KIF2A: variants seen among roughly 807,000 people sequenced by gnomAD.
KIF2A encodes the protein kinesin-like protein KIF2A.
KIF2A carries 22 observed loss-of-function variants against 100.2 expected under a neutral mutation model. That is an observed-to-expected ratio of 0.22 (90% CI 0.16 to 0.31). KIF2A has a LOEUF of 0.31. Ranked by LOEUF, KIF2A falls within the 10% of genes least tolerant of loss-of-function variation. KIF2A has a pLI of 1.00. For synonymous variants in KIF2A, 268 were observed against 285.9 expected, an observed-to-expected ratio of 0.94 and a Z score of 0.63; for missense variants, 495 against 898.7, an observed-to-expected ratio of 0.55 and a Z score of 5.74.
rs1222282475 is a variant in KIF2A at position 62,390,639 on chromosome 5, CA to C, written c.*5073del. Among the ~76,000 whole-genome samples the C allele has an allele frequency of 2.0e-5, 3 of 152,144 alleles. No individual in the cohort carries two copies. On this transcript the variant is annotated 3_prime_UTR_variant, in exon 21 of 21. Coordinates refer to ENST00000407818, the MANE Select transcript of KIF2A (RefSeq NM_001098511.3). ...TTGGAACCTGCACACCACATTAACA[CA>C]AAGGCAATCTTCTGGCTCGGACTGT...
chr5:62,320,565 ATT>A (rs11442569), intron 1 of KIF2A, among the ~76,000 whole-genome samples: 3 of 148,666 alleles, frequency 2.0e-5, no homozygotes, highest in African/African-American at 7.4e-5. Flanking sequence ...TGACTATAGC[ATT>A]TTTTTTTTTT....
intron 4 of KIF2A, 38 bp downstream of exon 4, chr5:62,350,158 C>T (rs372206229): frequency 1.2e-4 from 148 of 1,197,000 alleles, no homozygotes; most frequent in Non-Finnish European, 1.7e-4. Flanking sequence ...TGGCTATTGA[C>T]TTCTTAGTAT....
At chr5:62,368,908 G>A (rs778054542) in intron 16 of KIF2A, among the ~76,000 whole-genome samples, 9 of 152,004 alleles carry the variant, frequency 5.9e-5, no homozygotes, top group Admixed American at 1.3e-4. Context: ...ATTGATCTTG[G>A]TAATTAACGT....
At chr5:62,358,031 C>A in intron 8 of KIF2A, 106 bp from the exon 9 acceptor site, 2 of 838,304 alleles carry the variant, frequency 2.4e-6, no homozygotes, top group Non-Finnish European at 3.6e-6. Flanking sequence ...TTTATATGTA[C>A]AGAACTTACT....
At chr5:62,353,202 T>C (rs771690532) in intron 5 of KIF2A, 73 bp from the exon 6 acceptor site, 9 of 705,012 alleles carry the variant, frequency 1.3e-5, no homozygotes, top group African/African-American at 1.8e-5. Flanking sequence ...GGTGAAGTTA[T>C]ACATAAAAAA....
At chr5:62,333,321 C>A (rs1398077537) in intron 1 of KIF2A, among the ~76,000 whole-genome samples, 3 of 152,090 alleles carry the variant, frequency 2.0e-5, no homozygotes, top group Non-Finnish European at 4.4e-5. Context: ...CCTGTACTTT[C>A]CAAAACTGTT....
At chr5:62,308,490 C>A (rs540345300) in intron 1 of KIF2A, 13 of 746,394 alleles carry the variant, frequency 1.7e-5, no homozygotes, top group Non-Finnish European at 3.1e-5. Context: ...GATAGGGAAG[C>A]AACCTAAATG....
At chr5:62,328,376 C>T (rs1343088814) in intron 1 of KIF2A, among the ~76,000 whole-genome samples, 2 of 147,128 alleles carry the variant, frequency 1.4e-5, no homozygotes, top group Admixed American at 6.8e-5. Context: ...CATATTACAT[C>T]GTGATTTTAG....
chr5:62,363,036 C>A, intron 12 of KIF2A, 142 bp from the exon 13 acceptor site: 1 of 586,732 alleles, frequency 1.7e-6, no homozygotes, highest in Non-Finnish European at 2.9e-6. Flanking sequence ...CTATGTTGCC[C>A]AGGCTGGTTT....
intron 7 of KIF2A, among the ~76,000 whole-genome samples, chr5:62,355,669 G>T (rs549631829): frequency 1.3e-5 from 2 of 152,180 alleles, no homozygotes; most frequent in South Asian, 4.2e-4. Context: ...TGTTATTCTG[G>T]CTTTTAACAA....
chr5:62,353,177 C>T (rs955177128), intron 5 of KIF2A, 98 bp from the exon 6 acceptor site: 1 of 596,350 alleles, frequency 1.7e-6, no homozygotes, highest in Non-Finnish European at 2.9e-6. Context: ...CACTGTGTAC[C>T]TTTTATGTGT....
rs115587414 is a variant in KIF2A, at chr5:62,323,812, T to C, written c.64+17276T>C. ...CATCACTTTGGGAGATCGAGGTGGG[T>C]GGATCGCCTGAGCCCAGAAGTTTGA... On this transcript the variant is annotated intron_variant, in intron 1 of 20. Transcript: ENST00000407818. Among the ~76,000 whole-genome samples the C allele has an allele frequency of 6.8e-3, 1,027 of 152,126 alleles. 19 individuals are homozygous for C. The highest frequency in any genetic ancestry group is 0.024 in the African/African-American group (981 of 41,512).
intron 1 of KIF2A, among the ~76,000 whole-genome samples, chr5:62,322,233 T>C (rs4700009): frequency 0.51 from 78,039 of 152,052 alleles, 20,960 homozygotes; most frequent in South Asian, 0.65. Context: ...GCCCAGTCAA[T>C]ATTTATTTTT....
chr5:62,353,052 G>A (rs1009610282), intron 5 of KIF2A: 7 of 437,884 alleles, frequency 1.6e-5, no homozygotes, highest in African/African-American at 1.0e-4. Flanking sequence ...GAGATGACAT[G>A]TATCAATATG....
intron 1 of KIF2A, among the ~76,000 whole-genome samples, chr5:62,313,361 GT>G (rs1306264795): frequency 1.3e-5 from 2 of 151,930 alleles, no homozygotes; most frequent in African/African-American, 2.4e-5. Context: ...TAGCCTCAGA[GT>G]TTTTTTTGAG....
At chr5:62,322,427 A>G (rs1159694861) in intron 1 of KIF2A, among the ~76,000 whole-genome samples, 3 of 151,904 alleles carry the variant, frequency 2.0e-5, no homozygotes, top group Admixed American at 1.3e-4. Flanking sequence ...TGCTTTTGTT[A>G]TATCTAAGAA....
At chr5:62,321,263 G>T (rs765435837) in intron 1 of KIF2A, among the ~76,000 whole-genome samples, 7 of 152,110 alleles carry the variant, frequency 4.6e-5, no homozygotes, top group Non-Finnish European at 7.4e-5. Context: ...ATTGTTTTCA[G>T]TTTTTGTGGG....
At chr5:62,352,774 CCT>C in intron 5 of KIF2A, 64 bp downstream of exon 5, 1 of 1,305,500 alleles carries the variant, frequency 7.7e-7, no homozygotes, top group East Asian at 2.5e-5. Context: ...TCTTGGTCAT[CCT>C]TTTAAGTCCT....
At chr5:62,356,105 G>A (rs189560742) in intron 7 of KIF2A, among the ~76,000 whole-genome samples, 81 of 152,232 alleles carry the variant, frequency 5.3e-4, no homozygotes, top group African/African-American at 1.9e-3. Flanking sequence ...AGCCGGGAAT[G>A]CTTTTATAAC....
Sources: gnomAD v4.1 joint callset for allele counts (sites outside exome capture counted in the v4.1 genomes callset) on GRCh38, gnomAD v4.1.1 for gene constraint, MANE v1.5 for transcripts, NCBI Gene and HGNC (gene_info 2026-07-23, HGNC 2026-07-21) for gene names.